The following SLC25A26 variants were observed in gnomAD, a reference collection of about 807,000 sequenced individuals.
SLC25A26 encodes solute carrier family 25 member 26.
A neutral mutation model predicts 37.8 loss-of-function variants in SLC25A26; 36 were observed. The ratio of observed to expected loss-of-function variants is 0.95; its 90% CI spans 0.73 to 1.26. The LOEUF is 1.26. Among genes scored for constraint, SLC25A26 ranks in the 50% most tolerant of loss-of-function variants. The pLI is 0.00. For synonymous variants in SLC25A26, 129 were observed against 122.5 expected, an observed-to-expected ratio of 1.05 and a Z score of -0.35; for missense variants, 390 against 331.1, an observed-to-expected ratio of 1.18 and a Z score of -1.38.
chr3:66,320,792 A>G (rs1531766), intron 5 of SLC25A26, among the ~76,000 whole-genome samples: 15 of 152,310 alleles, frequency 9.8e-5, no homozygotes, highest in African/African-American at 3.6e-4. Context: ...GTGAAATGGT[A>G]TGAACCAGTT....
intron 5 of SLC25A26, among the ~76,000 whole-genome samples, chr3:66,311,918 G>C (rs1214543162): frequency 6.6e-6 from 1 of 152,110 alleles, no homozygotes; most frequent in Non-Finnish European, 1.5e-5. Flanking sequence ...TTTTTATGAG[G>C]TGTCTGTTGA....
chr3:66,245,599 C>G (rs1021672551), intron 3 of SLC25A26, among the ~76,000 whole-genome samples: 15 of 152,076 alleles, frequency 9.9e-5, no homozygotes, highest in Non-Finnish European at 1.6e-4. Flanking sequence ...ATGAATTAAC[C>G]TTTATAACAT....
At chr3:66,154,540 C>CTTTTTT (rs60639995) in intron 1 of SLC25A26, among the ~76,000 whole-genome samples, 1 of 130,400 alleles carries the variant, frequency 7.7e-6, no homozygotes, top group Non-Finnish European at 1.6e-5. Context: ...TTCTTTTTTT[C>CTTTTTT]TTTTTTTTTT....
At chr3:66,273,811 A>G (rs2074037984) in intron 5 of SLC25A26, among the ~76,000 whole-genome samples, 1 of 152,184 alleles carries the variant, frequency 6.6e-6, no homozygotes, top group South Asian at 2.1e-4. Context: ...TATCGTGAAA[A>G]TGGCCATACT....
intron 1 of SLC25A26, among the ~76,000 whole-genome samples, chr3:66,177,557 T>C (rs2070609278): frequency 6.6e-6 from 1 of 152,244 alleles, no homozygotes; most frequent in African/African-American, 2.4e-5. Flanking sequence ...ATCCCCACTG[T>C]TGCCTTTTGC....
At chr3:66,250,238 T>C (rs1315425731) in intron 3 of SLC25A26, among the ~76,000 whole-genome samples, 1 of 152,240 alleles carries the variant, frequency 6.6e-6, no homozygotes, top group Non-Finnish European at 1.5e-5. Context: ...ACCACTTCTA[T>C]GGTCCTTACC....
At chr3:66,341,692 C>T (rs1010336139) in intron 5 of SLC25A26, among the ~76,000 whole-genome samples, 1 of 152,078 alleles carries the variant, frequency 6.6e-6, no homozygotes, top group African/African-American at 2.4e-5. Context: ...TGGAAAGATG[C>T]TTTAGGAATG....
chr3:66,175,138 T>TACACACACAC (rs1448126196), intron 1 of SLC25A26, among the ~76,000 whole-genome samples: 1 of 64,274 alleles, frequency 1.6e-5, no homozygotes, highest in African/African-American at 7.9e-5. Context: ...TATATATATA[T>TACACACACAC]ATACACACAC....
At chr3:66,262,617 G>C (rs1445974697) in intron 4 of SLC25A26, among the ~76,000 whole-genome samples, 6 of 152,184 alleles carry the variant, frequency 3.9e-5, no homozygotes. Flanking sequence ...TGTGACTAGA[G>C]AGCATTTAGC....
chr3:66,264,435 G>C (rs1174600773), intron 5 of SLC25A26, among the ~76,000 whole-genome samples: 2 of 152,208 alleles, frequency 1.3e-5, no homozygotes, highest in South Asian at 4.1e-4. Context: ...GTACTAGTCT[G>C]TGGCCTGTTA....
At chr3:66,335,734 G>A (rs900997486) in intron 5 of SLC25A26, among the ~76,000 whole-genome samples, 2 of 152,178 alleles carry the variant, frequency 1.3e-5, no homozygotes, top group African/African-American at 4.8e-5. Context: ...CAAGCTTACT[G>A]TCTTCTCTTC....
intron 3 of SLC25A26, among the ~76,000 whole-genome samples, chr3:66,254,516 G>T (rs1249362501): frequency 6.6e-6 from 1 of 152,254 alleles, no homozygotes; most frequent in Non-Finnish European, 1.5e-5. Context: ...GAGTGGCTCT[G>T]TTCAGTGTAT....
intron 1 of SLC25A26, among the ~76,000 whole-genome samples, chr3:66,210,840 T>G (rs1428960343): frequency 1.3e-5 from 2 of 152,082 alleles, no homozygotes; most frequent in African/African-American, 4.8e-5. Flanking sequence ...AGCAAAAAGC[T>G]GAGTATCGCC....
At chr3:66,224,054 G>A (rs1039192154) in intron 1 of SLC25A26, among the ~76,000 whole-genome samples, 23 of 152,154 alleles carry the variant, frequency 1.5e-4, no homozygotes, top group African/African-American at 5.1e-4. Flanking sequence ...TGAAGAGAAT[G>A]TACTATAATT....
At chr3:66,374,292 G>C (rs867211019) in intron 9 of SLC25A26, among the ~76,000 whole-genome samples, 1 of 152,276 alleles carries the variant, frequency 6.6e-6, no homozygotes, top group Middle Eastern at 3.4e-3. Flanking sequence ...GTCACATTTT[G>C]GTAATTCTCA....
In SLC25A26 at chr3:66,377,740, T is replaced by TA; in HGVS notation, c.758_759insA (p.Phe253LeufsTer8). ...ATGGCAGCCATCAGTCTGGGAGGTT[T>TA]CATCTTTCTGGGGGCTTATGACCGA... On this transcript the variant is annotated frameshift_variant, in exon 10 of 10. Coordinates refer to ENST00000354883, the MANE Select transcript of SLC25A26 (RefSeq NM_001379210.1). LOFTEE classifies it high-confidence loss of function. 1 of 1,613,942 alleles carries TA rather than the reference T, an allele frequency of 6.2e-7. No individual in the cohort carries two copies. Among genetic ancestry groups the TA allele is most frequent in the Middle Eastern group, 1.6e-4 (1 of 6,062 alleles).
intron 5 of SLC25A26, among the ~76,000 whole-genome samples, chr3:66,339,201 G>A (rs1310432940): frequency 3.3e-5 from 5 of 151,992 alleles, no homozygotes; most frequent in Admixed American, 1.3e-4. Context: ...GTTGAATCAG[G>A]TGCTTATGTT....
chr3:66,363,130 A>G (rs1048911710), intron 7 of SLC25A26, among the ~76,000 whole-genome samples: 1 of 150,744 alleles, frequency 6.6e-6, no homozygotes, highest in Non-Finnish European at 1.5e-5. Flanking sequence ...AAAGACAACC[A>G]ATTTGTTTTT....
At position 66,297,372 on chromosome 3, in the gene SLC25A26, A is replaced by G. The variant is rs143423271; in HGVS notation, c.453+33993A>G. 7.4e-3 allele frequency among the ~76,000 whole-genome samples: 1,125 copies of G among 151,770 alleles called. 4 individuals carry two copies. Among genetic ancestry groups the G allele is most frequent in the Non-Finnish European group, 0.012 (843 of 67,926 alleles). On this transcript the variant is annotated intron_variant, in intron 5 of 9. Coordinates refer to ENST00000354883, the MANE Select transcript of SLC25A26 (RefSeq NM_001379210.1). The stretch of plus-strand genomic sequence containing the variant: ...AAGAATGTCTGGCATTAATTCTAGA[A>G]CTGAGATGCTCTTTTGCTTAGTAAA...
Sources: allele counts gnomAD v4.1 joint callset (sites outside exome capture counted in the v4.1 genomes callset), GRCh38; gene constraint gnomAD v4.1.1; transcripts MANE v1.5; gene names NCBI Gene and HGNC (gene_info 2026-07-23, HGNC 2026-07-21).